Variants in SNRNP200 observed in about 807,000 individuals in gnomAD.
SNRNP200 encodes small nuclear ribonucleoprotein U5 subunit 200, also known as U5 small nuclear ribonucleoprotein 200 kDa helicase.
Under a neutral mutation model 255.2 loss-of-function variants are expected in SNRNP200, and 66 were observed. That is an observed-to-expected ratio of 0.26 (90% CI 0.21 to 0.32). SNRNP200 has a LOEUF of 0.32. SNRNP200 is among the 10% of genes least tolerant of loss of function. SNRNP200 has a pLI of 1.00. For synonymous variants in SNRNP200, 939 were observed against 1,027.8 expected (o/e 0.91, Z 1.65); for missense variants, 1,585 against 2,749.8 (o/e 0.58, Z 9.47).
chr2:96,304,770 C>T lies in SNRNP200; in HGVS notation c.144G>A (p.Glu48=), dbSNP rs2063976324. The change falls in exon 2 of 45, where the codon GAG becomes GAA. Residue 48 remains glutamate, a synonymous_variant. Coordinates refer to ENST00000323853, the MANE Select transcript of SNRNP200 (RefSeq NM_014014.5). ...GEVLSLVGKL[E]GTRMGDKAQR... ...GAGCCTTGTCTCCCATACGGGTGCC[C>T]TCCAGCTTCCCAACAAGGGACAGCA... 6.2e-7 allele frequency: 1 copy of T among 1,614,224 alleles called. No homozygotes were observed. Among genetic ancestry groups the T allele is most frequent in the Non-Finnish European group, 8.5e-7 (1 of 1,180,044 alleles).
intron 35 of SNRNP200, chr2:96,279,876 T>C (rs1684729970): frequency 3.0e-6 from 1 of 334,354 alleles, no homozygotes; most frequent in Non-Finnish European, 5.8e-6. Flanking sequence ...CTTCCCAAAC[T>C]TTTCTCCTTT....
chr2:96,305,070 A>G (rs565376272), intron 1 of SNRNP200, among the ~76,000 whole-genome samples: 2 of 152,310 alleles, frequency 1.3e-5, no homozygotes, highest in South Asian at 4.1e-4. Context: ...GCGCTGTCGA[A>G]TCAGCTAAAC....
At position 96,277,437 on chromosome 2, in the gene SNRNP200, A is replaced by G. The variant is rs1684686886; in HGVS notation, c.5931+102T>C. The stretch of plus-strand genomic sequence containing the variant: ...AGCACCTTCGGAGGAACCATAACTA[A>G]AAGTTTAACTTACTGAGACTCACCT... On this transcript the variant is annotated intron_variant, in intron 41 of 44. Transcript: ENST00000323853. This position sits in a 1 kb window ranked among gnomAD's most constrained non-coding sequence, Gnocchi z 4.4. The G allele has an allele frequency of 6.9e-7, 1 of 1,449,556 alleles. No individual in the cohort carries two copies. The highest frequency in any genetic ancestry group is 9.6e-7 in the Non-Finnish European group (1 of 1,036,840). 89.8% of individuals were successfully genotyped at this position (1,449,556 alleles called of 1,614,324 possible).
In SNRNP200 at chr2:96,297,656, T is replaced by C; in HGVS notation, c.1184A>G (p.Asp395Gly). 1 of 1,614,198 alleles carries C rather than the reference T, an allele frequency of 6.2e-7. No individual in the cohort carries two copies. Among genetic ancestry groups the C allele is most frequent in the Non-Finnish European group, 8.5e-7 (1 of 1,180,020 alleles). Residue 395 changes from aspartate to glycine, a missense_variant, in exon 10 of 45, where the codon GAT becomes GGT. Physicochemically the swap from Asp to Gly is moderately conservative, Grantham distance 94. This residue lies in a region of SNRNP200 where 383 missense variants were observed against 645.3 expected (regional missense o/e 0.59). Transcript: ENST00000323853. The stretch of plus-strand genomic sequence containing the variant: ...TCCTACCTCTCCACCCTGGTCGAGA[T>C]CCATGGTTTCCAGATCTGTGTCCAT... ...SRMDTDLETM[D>G]LDQGGEALAP...
chr2:96,293,346 G>A lies in SNRNP200; in HGVS notation c.2006C>T (p.Pro669Leu), dbSNP rs1200876900. Residue 669 changes from proline to leucine, a missense_variant, in exon 15 of 45, where the codon CCT (proline) becomes CTT (leucine). Physicochemically the swap from Pro to Leu is moderately conservative, Grantham distance 98 (BLOSUM62 -3). Around this residue, in one of 9 missense-constraint regions of SNRNP200, gnomAD observed 140 missense variants for 274.9 expected, o/e 0.51. Transcript: ENST00000323853. ...EDVATFLRVD[P>L]AKGLFYFDNS... Reference sequence around the variant, plus strand: ...GTCAAAGTAAAAGAGACCCTTGGCAGGGTCAACACGTAGAAAGGTGGCTAC... The same window carrying A: ...GTCAAAGTAAAAGAGACCCTTGGCAAGGTCAACACGTAGAAAGGTGGCTAC... 1.9e-6 allele frequency: 3 copies of A among 1,614,208 alleles called. No homozygotes were observed. The highest frequency in any genetic ancestry group is 1.7e-5 in the Admixed American group (1 of 60,030).
Position 96,276,922 on chromosome 2 carries a change from A to G in SNRNP200, c.6156T>C (p.Ile2052=), listed in dbSNP as rs1684675797. 6.2e-7 allele frequency: 1 copy of G among 1,614,062 alleles called. No individual in the cohort carries two copies. The highest frequency in any genetic ancestry group is 8.5e-7 in the Non-Finnish European group (1 of 1,180,016). ...GACGCACCTGCGGGAAGAGAGGCGC[A>G]ATGACAGGGCCTGTGACTTCCTCCT... ...EREEEVTGPV[I]APLFPQKREE... The change falls in exon 43 of 45, where the codon ATT becomes ATC. Residue 2052 remains isoleucine, a synonymous_variant. Transcript: ENST00000323853.
chr2:96,297,695 A>G lies in SNRNP200; in HGVS notation c.1145T>C (p.Val382Ala). 1 of 1,614,198 alleles carries G rather than the reference A, an allele frequency of 6.2e-7. No homozygotes were observed. Among genetic ancestry groups the G allele is most frequent in the Non-Finnish European group, 8.5e-7 (1 of 1,180,026 alleles). The change falls in exon 10 of 45, where the codon GTG (valine) becomes GCG (alanine). Residue 382 changes from valine (V) to alanine (A), a missense_variant. Val to Ala is a moderately conservative substitution (Grantham distance 64). This residue lies in a region of SNRNP200 where 383 missense variants were observed against 645.3 expected (regional missense o/e 0.59). Coordinates refer to ENST00000323853, the MANE Select transcript of SNRNP200 (RefSeq NM_014014.5). ...ATCTGTGTCCATTCGAGACTGACGC[A>G]CTCGCTCTCTCCGGGACCTTTCCTC... is the stretch of plus-strand genomic sequence containing the variant. Reference protein sequence around the residue: ...IREERSRRERVRQSRMDTDLE... With the variant: ...IREERSRRERARQSRMDTDLE...
In SNRNP200 at chr2:96,274,852, G is replaced by C. The variant is rs1478235775; in HGVS notation, c.*160C>G. ...CACCTGCTGTCACTGGATCCAGAGTGAGCAAGGGAAAGGAAGTGGAGGTAG... is the reference window on the plus strand; with the variant it reads ...CACCTGCTGTCACTGGATCCAGAGTCAGCAAGGGAAAGGAAGTGGAGGTAG... On this transcript the variant is annotated 3_prime_UTR_variant, in exon 45 of 45. Coordinates refer to ENST00000323853, the MANE Select transcript of SNRNP200 (RefSeq NM_014014.5). 5.1e-6 allele frequency: 4 copies of C among 779,828 alleles called. No homozygotes were observed. Among genetic ancestry groups the C allele is most frequent in the Non-Finnish European group, 9.0e-6 (4 of 444,780 alleles). 48.3% of individuals were successfully genotyped at this position (779,828 alleles called of 1,614,324 possible). A position where few individuals can be genotyped will look rare whatever the true frequency, so the allele number is the denominator to read the frequency against.
Position 96,286,822 on chromosome 2 carries a change from A to C in SNRNP200, c.3695T>G (p.Val1232Gly), listed in dbSNP as rs757911810. 6.2e-7 allele frequency: 1 copy of C among 1,614,146 alleles called. No homozygotes were observed. The highest frequency in any genetic ancestry group is 1.1e-5 in the South Asian group (1 of 91,074). The change falls in exon 28 of 45, where the codon GTG (valine) becomes GGG (glycine). Residue 1232 changes from valine to glycine, a missense_variant. By Grantham distance (109) the Val-to-Gly change is moderately radical. Coordinates refer to ENST00000323853, the MANE Select transcript of SNRNP200 (RefSeq NM_014014.5). This position sits in a 1 kb window ranked among gnomAD's most constrained non-coding sequence, Gnocchi z 4.8. ...GAGAAAATACTCATGGTGCAGAATC[A>C]CCTCGCTGTCCACATCCTCCACCAG... ...WILVEDVDSE[V>G]ILHHEYFLLK...
chr2:96,281,563 G>A (rs763631412), intron 35 of SNRNP200: 5 of 481,624 alleles, frequency 1.0e-5, no homozygotes, highest in South Asian at 4.0e-5. Flanking sequence ...ATGACGTAAC[G>A]TCAAACATTC....
Position 96,305,504 on chromosome 2 carries a change from T to A in SNRNP200, c.-67A>T. ...ACCGCAAGCTGCAAACGGCCGCAGATCTCTGCTCCCGCCGCGCCGGAACGA... is the reference window on the plus strand; with the variant it reads ...ACCGCAAGCTGCAAACGGCCGCAGAACTCTGCTCCCGCCGCGCCGGAACGA... On this transcript the variant is annotated 5_prime_UTR_variant, in exon 1 of 45. Coordinates refer to ENST00000323853, the MANE Select transcript of SNRNP200 (RefSeq NM_014014.5). 3 of 1,603,978 alleles carry A rather than the reference T, an allele frequency of 1.9e-6. No homozygotes were observed. In the South Asian group the frequency reaches 3.3e-5, roughly 18 times the overall value.
chr2:96,298,047 G>A (rs1289710021), intron 9 of SNRNP200, among the ~76,000 whole-genome samples: 1 of 152,340 alleles, frequency 6.6e-6, no homozygotes, highest in Non-Finnish European at 1.5e-5. Context: ...TGGATTTACT[G>A]TGTAAATAAA....
chr2:96,292,594 C>T (rs1350834376), intron 16 of SNRNP200, among the ~76,000 whole-genome samples: 2 of 152,118 alleles, frequency 1.3e-5, no homozygotes, highest in African/African-American at 2.4e-5. Flanking sequence ...CTGGATAATG[C>T]GAATGCACAA....
Position 96,274,970 on chromosome 2 carries a change from C to G in SNRNP200, c.*42G>C, listed in dbSNP as rs1423671831. On this transcript the variant is annotated 3_prime_UTR_variant, in exon 45 of 45. Transcript: ENST00000323853. ...TCCTACAATGTACACATTCCTAATT[C>G]AGGCTCAACTCTCCTTTACCCAAAA... is the stretch of plus-strand genomic sequence containing the variant. 5 of 1,610,278 alleles carry G rather than the reference C, an allele frequency of 3.1e-6. No individual in the cohort carries two copies. Among genetic ancestry groups the G allele is most frequent in the Admixed American group, 1.7e-5 (1 of 60,028 alleles).
intron 1 of SNRNP200, 148 bp downstream of exon 1, chr2:96,305,245 A>C: frequency 1.9e-6 from 2 of 1,073,464 alleles, no homozygotes; most frequent in African/African-American, 3.1e-5. Flanking sequence ...TATTCACGTC[A>C]TCGTATAACC....
chr2:96,277,041 A>C lies in SNRNP200; in HGVS notation c.6092+40T>G. The C allele has an allele frequency of 6.2e-7, 1 of 1,613,992 alleles. No homozygotes were observed. The highest frequency in any genetic ancestry group is 8.5e-7 in the Non-Finnish European group (1 of 1,179,876). On this transcript the variant is annotated intron_variant, in intron 42 of 44. Coordinates refer to ENST00000323853, the MANE Select transcript of SNRNP200 (RefSeq NM_014014.5). The surrounding 1 kb of genome is among the most constrained non-coding windows in gnomAD (Gnocchi z 4.4). ...TGATGGGGCAGTGGGCTCAGAGCACACTATTATGCTGTGCCCAACAGGCAC... is the reference window on the plus strand; with the variant it reads ...TGATGGGGCAGTGGGCTCAGAGCACCCTATTATGCTGTGCCCAACAGGCAC...
Position 96,291,639 on chromosome 2 carries a change from T to G in SNRNP200, c.2310+112A>C. The G allele has an allele frequency of 2.9e-6, 4 of 1,365,042 alleles. No individual in the cohort carries two copies. Among genetic ancestry groups the G allele is most frequent in the Non-Finnish European group, 4.2e-6 (4 of 957,840 alleles). The allele number at this position is 1,365,042 out of a possible 1,614,324, so 84.6% of individuals were successfully genotyped here. ...ATAATCACATCCAGACAATCAACCTTAACCCATGGGAAACAACAATACCAC... is the reference window on the plus strand; with the variant it reads ...ATAATCACATCCAGACAATCAACCTGAACCCATGGGAAACAACAATACCAC... On this transcript the variant is annotated intron_variant, in intron 17 of 44. Transcript: ENST00000323853. The surrounding 1 kb of genome is among the most constrained non-coding windows in gnomAD (Gnocchi z 4.2).
intron 14 of SNRNP200, among the ~76,000 whole-genome samples, chr2:96,294,910 T>C (rs534875028): frequency 3.9e-5 from 6 of 152,278 alleles, no homozygotes; most frequent in South Asian, 2.1e-4. Flanking sequence ...TAAAAAAATA[T>C]ATAAAGAATA....
In SNRNP200 at chr2:96,289,033, T is replaced by A; in HGVS notation, c.3174+4A>T. On this transcript the variant is annotated splice_donor_region_variant and intron_variant, in intron 23 of 44. Coordinates refer to ENST00000323853, the MANE Select transcript of SNRNP200 (RefSeq NM_014014.5). Reference sequence around the variant, plus strand: ...TTATCAAAGCAAAGAGGAGAGGAGCTCACCTTAGCACTGGGTTCCTCAATG... The same window carrying A: ...TTATCAAAGCAAAGAGGAGAGGAGCACACCTTAGCACTGGGTTCCTCAATG... 6.2e-7 allele frequency: 1 copy of A among 1,607,334 alleles called. No homozygotes were observed. Among genetic ancestry groups the A allele is most frequent in the East Asian group, 2.2e-5 (1 of 44,836 alleles).
Sources: gnomAD v4.1 joint callset for allele counts (sites outside exome capture counted in the v4.1 genomes callset) on GRCh38, gnomAD v4.1.1 for gene constraint, gnomAD v4.1.1 regional missense constraint, Gnocchi (gnomAD v3.1) non-coding constraint, MANE v1.5 for transcripts, NCBI Gene and HGNC (gene_info 2026-07-23, HGNC 2026-07-21) for gene names.